Variants in FMO5 observed in about 807,000 individuals in gnomAD.
FMO5 encodes flavin containing dimethylaniline monoxygenase 5.
In FMO5, 51 loss-of-function variants were observed where a neutral mutation model predicts 43.6. The ratio of observed to expected loss-of-function variants is 1.17; its 90% CI spans 0.93 to 1.48. FMO5 has a LOEUF of 1.48. Ranked by LOEUF, FMO5 falls within the 40% of genes most tolerant of loss-of-function variation. FMO5 has a pLI of 0.00. For missense variants in FMO5, 644 were observed against 643.0 expected (o/e 1.00, Z -0.02); for synonymous variants, 187 against 216.5 (o/e 0.86, Z 1.20).
chr1:147,215,070 T>C (rs1553924666), intron 3 of FMO5: 2 of 152,134 alleles, frequency 1.3e-5, no homozygotes, highest in Non-Finnish European at 2.9e-5. Context: ...ATAAAATTCT[T>C]TTATGGTCAT....
chr1:147,193,265 C>T (rs1359889160), intron 7 of FMO5, among the ~76,000 whole-genome samples: 3 of 152,074 alleles, frequency 2.0e-5, no homozygotes, highest in African/African-American at 4.8e-5. Flanking sequence ...GGAATTTATC[C>T]GTTTCTTCTA....
intron 2 of FMO5, among the ~76,000 whole-genome samples, chr1:147,218,425 G>A (rs1337331004): frequency 1.1e-5 from 1 of 91,966 alleles, no homozygotes; most frequent in African/African-American, 7.5e-5. Context: ...TTTTAGTAGA[G>A]ACGGGTTTCA....
intron 7 of FMO5, among the ~76,000 whole-genome samples, chr1:147,199,782 A>T (rs1487424113): frequency 1.3e-5 from 2 of 152,184 alleles, no homozygotes; most frequent in African/African-American, 4.8e-5. Context: ...AAGTAATAGA[A>T]ATTTGGGGAA....
At chr1:147,212,676 TCTCAGTATTTTTGC>T in intron 4 of FMO5, 141 bp from the exon 5 acceptor site, 1 of 788,460 alleles carries the variant, frequency 1.3e-6, no homozygotes, top group Non-Finnish European at 2.0e-6. Flanking sequence ...TTCTTGCCTT[TCTCAGTATTTTTGC>T]CTATTTTCTT....
At chr1:147,195,765 G>C (rs1657886298) in intron 7 of FMO5, among the ~76,000 whole-genome samples, 1 of 152,110 alleles carries the variant, frequency 6.6e-6, no homozygotes, top group South Asian at 2.1e-4. Context: ...TAAAATTGTG[G>C]AATATGGAAT....
chr1:147,225,165 G>T, intron 1 of FMO5, 99 bp from the exon 2 acceptor site: 1 of 1,519,592 alleles, frequency 6.6e-7, no homozygotes, highest in Non-Finnish European at 8.8e-7. Context: ...TACAAGAGGT[G>T]TCTTGAGGAG....
At chr1:147,192,227 A>G (rs1553918737) in intron 7 of FMO5, among the ~76,000 whole-genome samples, 3 of 152,044 alleles carry the variant, frequency 2.0e-5, no homozygotes, top group Non-Finnish European at 4.4e-5. Flanking sequence ...GGTCCTTCAC[A>G]TCCCTTGTAA....
At chr1:147,212,693 A>G (rs782373941) in intron 4 of FMO5, among the ~76,000 whole-genome samples, 158 bp from the exon 5 acceptor site, 6 of 151,746 alleles carry the variant, frequency 4.0e-5, no homozygotes, top group Non-Finnish European at 7.4e-5. Flanking sequence ...ATTTTTGCCT[A>G]TTTTCTTTTC....
At chr1:147,191,532 T>C (rs1463230687) in intron 7 of FMO5, among the ~76,000 whole-genome samples, 1 of 143,938 alleles carries the variant, frequency 6.9e-6, no homozygotes, top group East Asian at 2.0e-4. Context: ...GATGGGGTTG[T>C]TTGTTTTTTT....
chr1:147,195,262 C>T (rs1457661122), intron 7 of FMO5, among the ~76,000 whole-genome samples: 1 of 152,034 alleles, frequency 6.6e-6, no homozygotes, highest in African/African-American at 2.4e-5. Context: ...TTCCTTTCAT[C>T]TTCCATCACT....
intron 3 of FMO5, 57 bp from the exon 4 acceptor site, chr1:147,213,527 G>C: frequency 6.9e-7 from 1 of 1,450,942 alleles, no homozygotes; most frequent in Non-Finnish European, 9.2e-7. Flanking sequence ...TCCTTGCATA[G>C]TGTTACACAA....
At chr1:147,193,540 T>G (rs1571182405) in intron 7 of FMO5, among the ~76,000 whole-genome samples, 1 of 152,166 alleles carries the variant, frequency 6.6e-6, no homozygotes, top group Non-Finnish European at 1.5e-5. Flanking sequence ...ATTTCTTGCC[T>G]TCTTCTAGCT....
Position 147,212,449 on chromosome 1 carries a change from C to T in FMO5, c.574G>A (p.Gly192Ser), listed in dbSNP as rs370710329. The T allele has an allele frequency of 5.4e-5, 87 of 1,613,892 alleles. No homozygotes were observed. The highest frequency in any genetic ancestry group is 7.3e-5 in the Non-Finnish European group (86 of 1,179,890). ...AGATCCCCTCCAGAATTCCCAATGC[C>T]AATTATAATGACTCTCTTTCCAGTG... ...GFTGKRVIIIGIGNSGGDLAV... is the reference protein window; with the variant it reads ...GFTGKRVIIISIGNSGGDLAV... Residue 192 changes from glycine to serine, a missense_variant, in exon 5 of 9, where the codon GGC becomes AGC. Coordinates refer to ENST00000254090, the MANE Select transcript of FMO5 (RefSeq NM_001461.4).
Position 147,201,421 on chromosome 1 carries a change from T to A in FMO5, c.914A>T (p.Lys305Met), listed in dbSNP as rs1553920954. The A allele has an allele frequency of 6.2e-7, 1 of 1,614,210 alleles. No individual in the cohort carries two copies. The highest frequency in any genetic ancestry group is 8.5e-7 in the Non-Finnish European group (1 of 1,180,026). The change falls in exon 7 of 9, where the codon AAG (lysine) becomes ATG (methionine). Residue 305 changes from lysine (K) to methionine (M), a missense_variant. Physicochemically the swap from Lys to Met is moderately conservative, Grantham distance 95. Transcript: ENST00000254090. ...TATGGCAGCTGTCTCCGTGAATTCCTTCACATTTCCTTTCACTTTCACCAA... is the reference window on the plus strand; with the variant it reads ...TATGGCAGCTGTCTCCGTGAATTCCATCACATTTCCTTTCACTTTCACCAA... ...SGLVKVKGNV[K>M]EFTETAAIFE...
rs143410453 is a variant in FMO5, at chr1:147,223,593, C to T, written c.135+1302G>A. 935 of 156,058 alleles carry T rather than the reference C, an allele frequency of 6.0e-3. 4 individuals are homozygous for T. Among genetic ancestry groups the T allele is most frequent in the Middle Eastern group, 9.6e-3 (3 of 314 alleles). 9.7% of individuals were successfully genotyped at this position (156,058 alleles called of 1,614,324 possible). A position where few individuals can be genotyped will look rare whatever the true frequency, so the allele number is the denominator to read the frequency against. On this transcript the variant is annotated intron_variant, in intron 2 of 8. Coordinates refer to ENST00000254090, the MANE Select transcript of FMO5 (RefSeq NM_001461.4). ...AGGCTAAGGGAAAGAAGGCGGCCCC[C>T]GCCCCTGCTATCAGTGAAGAAGCAG...
chr1:147,214,658 C>T (rs3766520), intron 3 of FMO5: 27,589 of 151,956 alleles, frequency 0.18, 3,156 homozygotes, highest in South Asian at 0.26. Context: ...AAGAAAACTT[C>T]CCTGGAACCT....
chr1:147,191,040 T>C (rs1458137646), intron 7 of FMO5, among the ~76,000 whole-genome samples: 1 of 152,168 alleles, frequency 6.6e-6, no homozygotes, highest in African/African-American at 2.4e-5. Context: ...TGCATAATAT[T>C]CCATGGTGTA....
intron 8 of FMO5, among the ~76,000 whole-genome samples, chr1:147,189,926 T>G (rs1656368297): frequency 6.6e-6 from 1 of 152,186 alleles, no homozygotes; most frequent in Non-Finnish European, 1.5e-5. Context: ...ATATGCATTT[T>G]CCTATGTGAC....
intron 6 of FMO5, chr1:147,205,004 A>G (rs1333321880): frequency 2.4e-6 from 2 of 834,098 alleles, no homozygotes; most frequent in Middle Eastern, 3.1e-4. Flanking sequence ...TTCATGCCTG[A>G]TGAACCTGGA....
Sources: gnomAD v4.1 joint callset for allele counts (sites outside exome capture counted in the v4.1 genomes callset) on GRCh38, gnomAD v4.1.1 for gene constraint, MANE v1.5 for transcripts, NCBI Gene and HGNC (gene_info 2026-07-23, HGNC 2026-07-21) for gene names.